Variants in GRIA4 observed in about 807,000 individuals in gnomAD.
GRIA4 encodes the protein glutamate ionotropic receptor AMPA type subunit 4.
In GRIA4, 34 loss-of-function variants were observed where a neutral mutation model predicts 104.0. The ratio of observed to expected loss-of-function variants is 0.33; its 90% CI spans 0.25 to 0.44. The LOEUF (loss-of-function observed/expected upper bound fraction) is 0.44, where lower values mean the gene tolerates loss of function less well. Ranked by LOEUF, GRIA4 falls within the 20% of genes least tolerant of loss-of-function variation. The probability of loss-of-function intolerance (pLI) is 1.00; values close to 1 mark genes in which losing one functional copy is unlikely to be tolerated. For missense variants in GRIA4, 750 were observed against 1,096.5 expected, an observed-to-expected ratio of 0.68 and a Z score of 4.46; for synonymous variants, 386 against 381.9, an observed-to-expected ratio of 1.01 and a Z score of -0.13.
chr11:105,685,994 C>A (rs1952869166), intron 3 of GRIA4, among the ~76,000 whole-genome samples: 1 of 151,440 alleles, frequency 6.6e-6, no homozygotes, highest in Non-Finnish European at 1.5e-5. Flanking sequence ...ACACTCAATA[C>A]TAAGAAATGA....
At chr11:105,910,611 C>T (rs1003519045) in intron 10 of GRIA4, 66 bp downstream of exon 10, 23 of 824,136 alleles carry the variant, frequency 2.8e-5, no homozygotes, top group Middle Eastern at 4.4e-4. Context: ...TCCCCAGCGA[C>T]GGTGAACAGG....
chr11:105,905,435 T>C, intron 9 of GRIA4, 134 bp downstream of exon 9: 4 of 590,278 alleles, frequency 6.8e-6, no homozygotes, highest in Non-Finnish European at 6.0e-6. Context: ...TAGTACTTTC[T>C]TTATAATCAA....
At chr11:105,722,783 G>T (rs575601217) in intron 3 of GRIA4, among the ~76,000 whole-genome samples, 1 of 151,926 alleles carries the variant, frequency 6.6e-6, no homozygotes, top group Non-Finnish European at 1.5e-5. Flanking sequence ...CATGTCCATT[G>T]TATTACATAC....
At chr11:105,710,346 C>T (rs569370603) in intron 3 of GRIA4, among the ~76,000 whole-genome samples, 1 of 152,142 alleles carries the variant, frequency 6.6e-6, no homozygotes, top group Non-Finnish European at 1.5e-5. Context: ...CAGTAATGGC[C>T]TCAGGTATGT....
At chr11:105,612,221 G>A (rs1950499781) in intron 2 of GRIA4, 55 bp from the exon 3 acceptor site, 6 of 1,536,370 alleles carry the variant, frequency 3.9e-6, no homozygotes, top group South Asian at 1.1e-5. Flanking sequence ...CTTGGGGTGG[G>A]TATAATGTTG....
intron 3 of GRIA4, among the ~76,000 whole-genome samples, chr11:105,737,890 A>G (rs1335326325): frequency 6.6e-6 from 1 of 152,164 alleles, no homozygotes; most frequent in East Asian, 1.9e-4. Context: ...TCATCTTTCA[A>G]AAAGAAAAGG....
At chr11:105,611,181 T>G in intron 2 of GRIA4, 96 bp downstream of exon 2, 1 of 835,716 alleles carries the variant, frequency 1.2e-6, no homozygotes, top group South Asian at 1.4e-5. Context: ...CAGGGAAACC[T>G]TCAGCAGTTC....
chr11:105,796,913 C>T (rs1942499966), intron 4 of GRIA4, among the ~76,000 whole-genome samples: 1 of 151,998 alleles, frequency 6.6e-6, no homozygotes, highest in Non-Finnish European at 1.5e-5. Flanking sequence ...ATACAGAAGG[C>T]ACCATATTAG....
chr11:105,819,983 C>A (rs1380306532), intron 4 of GRIA4, among the ~76,000 whole-genome samples: 1 of 151,944 alleles, frequency 6.6e-6, no homozygotes, highest in East Asian at 1.9e-4. Flanking sequence ...AACACCATGT[C>A]ACCACAAAGG....
chr11:105,697,009 C>T (rs1022576013), intron 3 of GRIA4, among the ~76,000 whole-genome samples: 2 of 152,186 alleles, frequency 1.3e-5, no homozygotes, highest in Admixed American at 6.5e-5. Context: ...GGTTATCTGT[C>T]TGCTTTGGCC....
intron 4 of GRIA4, among the ~76,000 whole-genome samples, chr11:105,859,189 C>T (rs938045672): frequency 6.6e-6 from 1 of 152,106 alleles, no homozygotes; most frequent in Admixed American, 6.6e-5. Flanking sequence ...AAGACACTCA[C>T]ATCTGAATAT....
intron 3 of GRIA4, among the ~76,000 whole-genome samples, chr11:105,616,962 GA>G (rs1950616770): frequency 6.6e-6 from 1 of 151,348 alleles, no homozygotes; most frequent in South Asian, 2.1e-4. Flanking sequence ...GTGATAGGAT[GA>G]TGCATAATTT....
intron 6 of GRIA4, among the ~76,000 whole-genome samples, chr11:105,890,745 C>G (rs1195146913): frequency 6.6e-6 from 1 of 152,202 alleles, no homozygotes; most frequent in East Asian, 1.9e-4. Context: ...ACAGCATGAG[C>G]TATGCCTGAT....
chr11:105,782,695 T>C (rs1941781903), intron 4 of GRIA4, among the ~76,000 whole-genome samples: 1 of 152,170 alleles, frequency 6.6e-6, no homozygotes, highest in East Asian at 1.9e-4. Context: ...ACTTAAGCAC[T>C]ATTATAGGTA....
At chr11:105,739,254 TC>T (rs979963324) in intron 3 of GRIA4, among the ~76,000 whole-genome samples, 1 of 152,192 alleles carries the variant, frequency 6.6e-6, no homozygotes, top group African/African-American at 2.4e-5. Flanking sequence ...ATGGCCTGAC[TC>T]CGGAAAGAAA....
chr11:105,886,180 CTTATTTAT>C (rs139622131), intron 5 of GRIA4, among the ~76,000 whole-genome samples: 27 of 151,522 alleles, frequency 1.8e-4, no homozygotes, highest in African/African-American at 5.8e-4. Flanking sequence ...ATGTTCTGAT[CTTATTTAT>C]TTATTTATTT....
chr11:105,773,966 A>G (rs1021782082), intron 4 of GRIA4, among the ~76,000 whole-genome samples: 11 of 151,798 alleles, frequency 7.2e-5, no homozygotes, highest in African/African-American at 2.4e-4. Flanking sequence ...TTTGAATATT[A>G]TACCTAATGA....
At chr11:105,808,153 G>T (rs1943026081) in intron 4 of GRIA4, among the ~76,000 whole-genome samples, 1 of 151,746 alleles carries the variant, frequency 6.6e-6, no homozygotes, top group Non-Finnish European at 1.5e-5. Context: ...TAATATTATT[G>T]TTCTCTATTT....
chr11:105,850,860 T>A (rs1310861344), intron 4 of GRIA4, among the ~76,000 whole-genome samples: 1 of 152,150 alleles, frequency 6.6e-6, no homozygotes, highest in Non-Finnish European at 1.5e-5. Context: ...GGGATATGTC[T>A]AGGTCAAAAA....
Sources: gnomAD v4.1 joint callset for allele counts (sites outside exome capture counted in the v4.1 genomes callset) on GRCh38, gnomAD v4.1.1 for gene constraint, MANE v1.5 for transcripts, NCBI Gene and HGNC (gene_info 2026-07-23, HGNC 2026-07-21) for gene names.